The following TP73 variants were observed in gnomAD, a reference collection of about 807,000 sequenced individuals.
TP73 encodes p53-like transcription factor.
Under a neutral mutation model 62.5 loss-of-function variants are expected in TP73, and 25 were observed. The observed-to-expected ratio is 0.40, with a 90% confidence interval of 0.29 to 0.56. The LOEUF (loss-of-function observed/expected upper bound fraction) is 0.56, where lower values mean the gene tolerates loss of function less well. TP73 is among the 20% of genes least tolerant of loss of function. The pLI, the probability that TP73 is intolerant of heterozygous loss-of-function variation, is 0.46. For synonymous variants in TP73, 423 were observed against 377.5 expected (o/e 1.12, Z -1.40); for missense variants, 754 against 913.3 (o/e 0.83, Z 2.25).
chr1:3,683,186 T>C lies in TP73; in HGVS notation c.186+6T>C. The C allele has an allele frequency of 1.9e-6, 3 of 1,600,594 alleles. No homozygotes were observed. Among genetic ancestry groups the C allele is most frequent in the Non-Finnish European group, 2.6e-6 (3 of 1,170,284 alleles). ...GCATGACTACATCTGTCATGGTGAG[T>C]GGGGGGGCTGCCCTCTGCAAGAGGA... On this transcript the variant is annotated splice_donor_region_variant and intron_variant, in intron 3 of 13. Transcript: ENST00000378295.
chr1:3,690,990 G>A (rs1266362338), intron 3 of TP73: 4 of 1,558,070 alleles, frequency 2.6e-6, no homozygotes, highest in South Asian at 1.2e-5. Flanking sequence ...GGACTTTGCG[G>A]GGGATTTTGC....
chr1:3,722,287 G>C, intron 5 of TP73, 80 bp downstream of exon 5: 1 of 1,519,284 alleles, frequency 6.6e-7, no homozygotes, highest in African/African-American at 1.4e-5. Flanking sequence ...TGCCTAACTG[G>C]GAGAGAGTGG....
intron 3 of TP73, among the ~76,000 whole-genome samples, chr1:3,700,411 C>A (rs4610947): frequency 0.28 from 43,276 of 152,022 alleles, 7,670 homozygotes; most frequent in Non-Finnish European, 0.38. Flanking sequence ...ATATCCTAGG[C>A]TCTGATAAAA....
In TP73 at chr1:3,724,356, C is replaced by G. The variant is rs532330566; in HGVS notation, c.732+887C>G. On this transcript the variant is annotated intron_variant, in intron 6 of 13. Transcript: ENST00000378295. ...TGCTGTACCCAGCCCCAGCCTCCCC[C>G]ACCAGGTCCCCATCCCTGTACCAGA... 1.1e-4 allele frequency among the ~76,000 whole-genome samples: 16 copies of G among 152,134 alleles called. No homozygotes were observed. In the South Asian group the frequency reaches 2.3e-3, roughly 22 times the overall value.
At chr1:3,679,485 C>CTCTCTCTGTCTCTCTCCCTG (rs1305558440) in intron 1 of TP73, among the ~76,000 whole-genome samples, 3 of 152,024 alleles carry the variant, frequency 2.0e-5, no homozygotes, top group African/African-American at 7.3e-5. Flanking sequence ...CTCTCTCCAT[C>CTCTCTCTGTCTCTCTCCCTG]TCTCTCTGTC....
At position 3,685,611 on chromosome 1, in the gene TP73, G is replaced by A. The variant is rs1245537470; in HGVS notation, c.186+2431G>A. ...ACCCCTGACTCCCATGGGAGCGCCA[G>A]GTACAAAGACAGAGACTCCGAAGGG... On this transcript the variant is annotated intron_variant, in intron 3 of 13. Coordinates refer to ENST00000378295, the MANE Select transcript of TP73 (RefSeq NM_005427.4). Among the ~76,000 whole-genome samples the A allele has an allele frequency of 2.0e-5, 3 of 152,320 alleles. No individual in the cohort carries two copies. The East Asian group carries it at 5.8e-4, about 30-fold the overall frequency.
chr1:3,679,533 C>A (rs1391986892), intron 1 of TP73, among the ~76,000 whole-genome samples: 1 of 144,152 alleles, frequency 6.9e-6, no homozygotes, highest in Non-Finnish European at 1.5e-5. Context: ...CTCTCCATCT[C>A]TCTGTCTCTC....
intron 1 of TP73, among the ~76,000 whole-genome samples, chr1:3,653,496 G>A (rs950267277): frequency 6.6e-6 from 1 of 152,234 alleles, no homozygotes; most frequent in African/African-American, 2.4e-5. Flanking sequence ...ACAGGGGACA[G>A]ATAGACGATC....
chr1:3,656,132 C>T (rs1158042427), intron 1 of TP73, among the ~76,000 whole-genome samples: 4 of 151,176 alleles, frequency 2.6e-5, no homozygotes, highest in Middle Eastern at 3.4e-3. Context: ...GCTGAGATCA[C>T]GCACTACACT....
chr1:3,682,263 C>G (rs978241144), intron 1 of TP73, 70 bp from the exon 2 acceptor site: 10 of 1,218,300 alleles, frequency 8.2e-6, no homozygotes, highest in Non-Finnish European at 1.1e-5. Context: ...GCCGCCCCCA[C>G]CGAGGCTGTC....
At chr1:3,718,851 A>C (rs971861308) in intron 4 of TP73, among the ~76,000 whole-genome samples, 1 of 152,138 alleles carries the variant, frequency 6.6e-6, no homozygotes, top group Admixed American at 6.5e-5. Flanking sequence ...ACTGTAGGGA[A>C]GCGGGGCCTG....
chr1:3,653,861 T>C (rs1318192171), intron 1 of TP73, among the ~76,000 whole-genome samples: 1 of 152,206 alleles, frequency 6.6e-6, no homozygotes, highest in Non-Finnish European at 1.5e-5. Context: ...GCATTACGTA[T>C]GTAGTTTTTA....
intron 3 of TP73, among the ~76,000 whole-genome samples, chr1:3,705,120 T>C (rs1639518290): frequency 6.6e-6 from 1 of 152,210 alleles, no homozygotes; most frequent in Non-Finnish European, 1.5e-5. Flanking sequence ...CTCTGCCGTC[T>C]CAGATTCCTG....
At chr1:3,688,613 AG>A (rs1487829636) in intron 3 of TP73, among the ~76,000 whole-genome samples, 1 of 152,196 alleles carries the variant, frequency 6.6e-6, no homozygotes, top group East Asian at 1.9e-4. Context: ...GGCCACGCCA[AG>A]GGGGTGTGGC....
At chr1:3,711,947 T>C (rs1313113690) in intron 4 of TP73, among the ~76,000 whole-genome samples, 1 of 151,994 alleles carries the variant, frequency 6.6e-6, no homozygotes, top group Admixed American at 6.5e-5. Flanking sequence ...AGGAGGGACA[T>C]ATGGAAGGAC....
intron 1 of TP73, among the ~76,000 whole-genome samples, chr1:3,678,013 C>T (rs1445662809): frequency 6.6e-6 from 1 of 152,144 alleles, no homozygotes; most frequent in Non-Finnish European, 1.5e-5. Flanking sequence ...CCCATCCCTC[C>T]TAGACTAAAT....
chr1:3,659,638 C>T (rs562150383), intron 1 of TP73, among the ~76,000 whole-genome samples: 1 of 152,116 alleles, frequency 6.6e-6, no homozygotes, highest in Non-Finnish European at 1.5e-5. Context: ...GTTCTTTCTA[C>T]ATCACCCCTC....
At chr1:3,723,922 T>C (rs1340039481) in intron 6 of TP73, among the ~76,000 whole-genome samples, 1 of 151,686 alleles carries the variant, frequency 6.6e-6, no homozygotes. Flanking sequence ...GGTTGAGGGA[T>C]GGTGGAAAGA....
chr1:3,689,305 A>C (rs760135193), intron 3 of TP73, among the ~76,000 whole-genome samples: 2 of 151,996 alleles, frequency 1.3e-5, no homozygotes, highest in Non-Finnish European at 2.9e-5. Context: ...ACCAGACAAA[A>C]CTGTCTTTTT....
Sources: allele counts gnomAD v4.1 joint callset (sites outside exome capture counted in the v4.1 genomes callset), GRCh38; gene constraint gnomAD v4.1.1; transcripts MANE v1.5; gene names NCBI Gene and HGNC (gene_info 2026-07-23, HGNC 2026-07-21).